Variants in UBE2Q2 observed in about 807,000 individuals in gnomAD.
UBE2Q2 encodes the protein ubiquitin conjugating enzyme E2 Q2.
In UBE2Q2, 54 loss-of-function variants were observed where a neutral mutation model predicts 59.9. The observed-to-expected ratio is 0.90, with a 90% confidence interval of 0.72 to 1.13. UBE2Q2 has a LOEUF of 1.13. Ranked by LOEUF, UBE2Q2 falls within the 50% of genes most tolerant of loss-of-function variation. UBE2Q2 has a pLI of 0.00. For missense variants in UBE2Q2, 433 were observed against 441.9 expected (o/e 0.98, Z 0.18); for synonymous variants, 165 against 155.2 (o/e 1.06, Z -0.47).
At chr15:75,876,091 T>A in intron 5 of UBE2Q2, 96 bp from the exon 6 acceptor site, 1 of 1,016,314 alleles carries the variant, frequency 9.8e-7, no homozygotes, top group Non-Finnish European at 1.4e-6. Context: ...AAATGTTGAG[T>A]GGTGATCCAT....
At chr15:75,890,891 A>G (rs747803667) in intron 10 of UBE2Q2, 28 bp from the exon 11 acceptor site, 1 of 1,597,284 alleles carries the variant, frequency 6.3e-7, no homozygotes, top group Non-Finnish European at 8.6e-7. Flanking sequence ...ATACTACTGT[A>G]TTTTAGAGAT....
intron 1 of UBE2Q2, among the ~76,000 whole-genome samples, chr15:75,849,468 C>T (rs532283254): frequency 3.3e-5 from 5 of 152,270 alleles, no homozygotes; most frequent in Admixed American, 3.3e-4. Context: ...GAGATAGAGC[C>T]ACACAATGGT....
Position 75,851,658 on chromosome 15 carries a change from A to C in UBE2Q2, c.181-2728A>C, listed in dbSNP as rs531269697. Among the ~76,000 whole-genome samples, 267 of 152,276 alleles carry C rather than the reference A, an allele frequency of 1.8e-3. 2 individuals are homozygous for C. Among genetic ancestry groups the C allele is most frequent in the African/African-American group, 6.4e-3 (265 of 41,556 alleles). On this transcript the variant is annotated intron_variant, in intron 1 of 12. Transcript: ENST00000267938. ...CATTTTTTGAGGAAAATGACTGCCAAAAACCCAAGTTGAAATAACATCGTC... is the reference window on the plus strand; with the variant it reads ...CATTTTTTGAGGAAAATGACTGCCACAAACCCAAGTTGAAATAACATCGTC...
chr15:75,876,189 TG>T lies in UBE2Q2; in HGVS notation c.592del (p.Ala198GlnfsTer13). 6.2e-7 allele frequency: 1 copy of T among 1,613,842 alleles called. No homozygotes were observed. The highest frequency in any genetic ancestry group is 8.5e-7 in the Non-Finnish European group (1 of 1,179,910). On this transcript the variant is annotated frameshift_variant, in exon 6 of 13. Coordinates refer to ENST00000267938, the MANE Select transcript of UBE2Q2 (RefSeq NM_173469.4). LOFTEE classifies it high-confidence loss of function. ...AAACAGTGGCTTTTGTGTTTCAGGG[TG>T]CAGTGTCTGGGTCAGTGCAAGCTTC... is the stretch of plus-strand genomic sequence containing the variant. ...KTQRQDHLNG[A>X]VSGSVQASDR...
At chr15:75,890,405 A>G (rs746186993) in intron 9 of UBE2Q2, 30 bp from the exon 10 acceptor site, 53 of 1,570,270 alleles carry the variant, frequency 3.4e-5, no homozygotes, top group Non-Finnish European at 4.5e-5. Flanking sequence ...ATTCTCGAGA[A>G]TTTTGTATGA....
intron 3 of UBE2Q2, among the ~76,000 whole-genome samples, chr15:75,863,261 T>C: frequency 6.6e-6 from 1 of 152,192 alleles, no homozygotes; most frequent in African/African-American, 2.4e-5. Flanking sequence ...GCTCCATTAA[T>C]TAACTATTTT....
intron 4 of UBE2Q2, among the ~76,000 whole-genome samples, chr15:75,872,659 C>T (rs1051917058): frequency 5.3e-5 from 8 of 150,866 alleles, no homozygotes; most frequent in African/African-American, 1.9e-4. Context: ...ATCTCAGCCT[C>T]CTGAGGACCT....
chr15:75,873,365 T>G (rs1040812955), intron 4 of UBE2Q2, 63 bp from the exon 5 acceptor site: 1 of 1,467,624 alleles, frequency 6.8e-7, no homozygotes, highest in Non-Finnish European at 9.2e-7. Flanking sequence ...AATGTTATTT[T>G]GGCATAAGAA....
chr15:75,854,056 T>C (rs1896776683), intron 1 of UBE2Q2, among the ~76,000 whole-genome samples: 1 of 152,132 alleles, frequency 6.6e-6, no homozygotes, highest in Non-Finnish European at 1.5e-5. Flanking sequence ...TGTATTCTCT[T>C]TGTTAGAAGT....
chr15:75,897,597 TC>T (rs998493944), intron 12 of UBE2Q2, among the ~76,000 whole-genome samples: 6 of 150,576 alleles, frequency 4.0e-5, no homozygotes, highest in Non-Finnish European at 7.4e-5. Flanking sequence ...AATCAAGATT[TC>T]TTTTTTTTTT....
At chr15:75,879,209 C>T in intron 8 of UBE2Q2, 21 bp downstream of exon 8, 1 of 1,444,130 alleles carries the variant, frequency 6.9e-7, no homozygotes, top group Non-Finnish European at 9.5e-7. Context: ...AGTTACAGGA[C>T]CCCATATACT....
chr15:75,886,267 G>A (rs768596969), intron 9 of UBE2Q2, among the ~76,000 whole-genome samples: 5 of 151,962 alleles, frequency 3.3e-5, no homozygotes, highest in Non-Finnish European at 7.4e-5. Context: ...CTATAGGCAT[G>A]CGCCACCATG....
intron 11 of UBE2Q2, among the ~76,000 whole-genome samples, chr15:75,893,988 A>G (rs913422487): frequency 6.6e-6 from 1 of 152,246 alleles, no homozygotes; most frequent in Non-Finnish European, 1.5e-5. Context: ...TGAAAAACAG[A>G]AAAGGACAGT....
chr15:75,896,998 C>A lies in UBE2Q2; in HGVS notation c.1033C>A (p.Gln345Lys). The A allele has an allele frequency of 1.3e-6, 2 of 1,549,158 alleles. No homozygotes were observed. The highest frequency in any genetic ancestry group is 1.2e-5 in the South Asian group (1 of 81,872). Residue 345 changes from glutamine to lysine, a missense_variant, in exon 12 of 13, where the codon CAA (glutamine) becomes AAA (lysine). Physicochemically the swap from Gln to Lys is moderately conservative, Grantham distance 53. Transcript: ENST00000267938. The stretch of plus-strand genomic sequence containing the variant: ...AAAATGTGTAATTCTCTTTCAGAAT[C>A]AATATAATCTAGCAAGAGCCCAACA... The part of the protein sequence containing the change: ...ARVQFGANKN[Q>K]YNLARAQQSY...
chr15:75,850,751 T>G (rs1289817777), intron 1 of UBE2Q2, among the ~76,000 whole-genome samples: 1 of 152,164 alleles, frequency 6.6e-6, no homozygotes, highest in Non-Finnish European at 1.5e-5. Flanking sequence ...GTTCTCAAAG[T>G]TTTGGGGTCA....
intron 1 of UBE2Q2, among the ~76,000 whole-genome samples, chr15:75,851,066 T>A (rs531069587): frequency 1.3e-5 from 2 of 152,260 alleles, no homozygotes; most frequent in African/African-American, 4.8e-5. Context: ...AATCCAACCT[T>A]ATACAGATAC....
intron 11 of UBE2Q2, among the ~76,000 whole-genome samples, chr15:75,891,798 G>A (rs1567042634): frequency 6.6e-6 from 1 of 152,190 alleles, no homozygotes; most frequent in Admixed American, 6.5e-5. Flanking sequence ...TTCCAAAGCC[G>A]GAGGTTTGTT....
intron 8 of UBE2Q2, among the ~76,000 whole-genome samples, chr15:75,881,595 A>T (rs1198882096): frequency 6.6e-6 from 1 of 152,202 alleles, no homozygotes; most frequent in African/African-American, 2.4e-5. Flanking sequence ...AGTTATTAGT[A>T]TCGGGATTCA....
intron 8 of UBE2Q2, 117 bp from the exon 9 acceptor site, chr15:75,883,249 T>C: frequency 9.4e-6 from 9 of 956,466 alleles, no homozygotes; most frequent in Non-Finnish European, 1.4e-5. Flanking sequence ...TTATGACTCT[T>C]ACCCATTATC....
Sources: gnomAD v4.1 joint callset for allele counts (sites outside exome capture counted in the v4.1 genomes callset) on GRCh38, gnomAD v4.1.1 for gene constraint, MANE v1.5 for transcripts, NCBI Gene and HGNC (gene_info 2026-07-23, HGNC 2026-07-21) for gene names.